RBBP8: variants seen among roughly 807,000 people sequenced by gnomAD.
The protein encoded by RBBP8 is RB binding protein 8, endonuclease.
RBBP8 carries 88 observed loss-of-function variants against 108.3 expected under a neutral mutation model. The ratio of observed to expected loss-of-function variants is 0.81; its 90% confidence interval spans 0.68 to 0.97. The LOEUF is 0.97. Ranked by LOEUF, RBBP8 falls within the 50% of genes least tolerant of loss-of-function variation. The probability of loss-of-function intolerance (pLI) is 0.00; values close to 1 mark genes in which losing one functional copy is unlikely to be tolerated. For synonymous variants in RBBP8, 332 were observed against 348.2 expected (o/e 0.95, Z 0.52); for missense variants, 1,023 against 1,049.0 (o/e 0.98, Z 0.34).
chr18:22,977,166 T>C (rs1914553533), intron 6 of RBBP8, among the ~76,000 whole-genome samples: 1 of 151,910 alleles, frequency 6.6e-6, no homozygotes, highest in Admixed American at 6.6e-5. Context: ...TTCTGTAGCT[T>C]GGTCGCAAAG....
intron 5 of RBBP8, among the ~76,000 whole-genome samples, chr18:22,972,790 T>G (rs1914213786): frequency 6.6e-6 from 1 of 152,170 alleles, no homozygotes. Context: ...AGTTTTGGGG[T>G]TTTTTAGCCC....
chr18:22,917,869 G>A (rs887112222), intron 3 of RBBP8, among the ~76,000 whole-genome samples: 7 of 151,730 alleles, frequency 4.6e-5, no homozygotes, highest in Non-Finnish European at 8.8e-5. Flanking sequence ...GTGGTGGTGC[G>A]TGCCTGTAGT....
At chr18:22,984,574 G>A (rs1915185328) in intron 7 of RBBP8, among the ~76,000 whole-genome samples, 1 of 152,030 alleles carries the variant, frequency 6.6e-6, no homozygotes. Flanking sequence ...AAATTAACCT[G>A]CTGATTTGTA....
At chr18:22,986,298 TAAGTC>T (rs1028580325) in intron 8 of RBBP8, among the ~76,000 whole-genome samples, 21 of 152,306 alleles carry the variant, frequency 1.4e-4, no homozygotes, top group African/African-American at 7.2e-5. Context: ...ACAATGCTAA[TAAGTC>T]AAGTAAGATG....
upstream of RBBP8, among the ~76,000 whole-genome samples, chr18:22,930,107 ACTTTT>A (rs1289216406): frequency 3.3e-5 from 5 of 152,232 alleles, no homozygotes; most frequent in African/African-American, 2.4e-5. Context: ...CCAAAACTTT[ACTTTT>A]AAGAATCCTA....
chr18:22,929,976 C>T (rs1458434680), upstream of RBBP8, among the ~76,000 whole-genome samples: 2 of 152,172 alleles, frequency 1.3e-5, no homozygotes, highest in Non-Finnish European at 2.9e-5. Context: ...TAACGTGATA[C>T]GTCATTTTCC....
chr18:23,022,651 T>TAAAATAAAATAAATAAAATAAA (rs370599195), intron 18 of RBBP8, among the ~76,000 whole-genome samples: 1 of 84,366 alleles, frequency 1.2e-5, no homozygotes, highest in Non-Finnish European at 2.3e-5. Context: ...TAAAATACAA[T>TAAAATAAAATAAATAAAATAAA]ATAAAATAAA....
intron 2 of RBBP8, among the ~76,000 whole-genome samples, chr18:22,945,246 G>C (rs1480091634): frequency 6.6e-6 from 1 of 152,044 alleles, no homozygotes. Context: ...TCCCCTTTAT[G>C]TTAATCACAT....
At chr18:22,945,946 T>C (rs889848073) in intron 2 of RBBP8, among the ~76,000 whole-genome samples, 1 of 152,232 alleles carries the variant, frequency 6.6e-6, no homozygotes, top group East Asian at 1.9e-4. Context: ...TCTTCTCTTA[T>C]GTTTTGTATC....
At chr18:22,954,161 A>G (rs1912296109) in intron 4 of RBBP8, among the ~76,000 whole-genome samples, 1 of 152,128 alleles carries the variant, frequency 6.6e-6, no homozygotes, top group African/African-American at 2.4e-5. Flanking sequence ...TCGCATTTCA[A>G]GACAATCATT....
At chr18:22,940,464 G>T (rs1910987710) in intron 2 of RBBP8, among the ~76,000 whole-genome samples, 1 of 151,358 alleles carries the variant, frequency 6.6e-6, no homozygotes. Context: ...GGGACTACAA[G>T]CACCCGCCAC....
At chr18:22,997,772 CGTT>C (rs756389918) in intron 14 of RBBP8, 38 bp downstream of exon 14, 5 of 1,377,804 alleles carry the variant, frequency 3.6e-6, no homozygotes, top group South Asian at 2.5e-5. Flanking sequence ...TTTTTAATAA[CGTT>C]GTGTGAAGTT....
chr18:22,992,920 A>C lies in RBBP8; in HGVS notation c.1093A>C (p.Ser365Arg). The C allele has an allele frequency of 6.2e-7, 1 of 1,614,008 alleles. No individual in the cohort carries two copies. The highest frequency in any genetic ancestry group is 8.5e-7 in the Non-Finnish European group (1 of 1,179,914). ...AAAACATCTGAAAACACTCCCTTTT[A>C]GCAACACTTGTATATCTAGATTAGA... ...KKKHLKTLPF[S>R]NTCISRLEKT... Residue 365 changes from serine (S) to arginine (R), a missense_variant, in exon 11 of 19, where the codon AGC becomes CGC. Transcript: ENST00000327155.
At chr18:22,971,780 G>A (rs1363164365) in intron 5 of RBBP8, among the ~76,000 whole-genome samples, 1 of 150,824 alleles carries the variant, frequency 6.6e-6, no homozygotes, top group East Asian at 2.0e-4. Context: ...CAAGTAGCTG[G>A]GATTACAGGC....
At chr18:22,969,232 G>C (rs186569178) in intron 5 of RBBP8, among the ~76,000 whole-genome samples, 18 of 149,544 alleles carry the variant, frequency 1.2e-4, no homozygotes, top group Non-Finnish European at 1.5e-5. Context: ...TTTATTTCAT[G>C]TAACCTTAAT....
At chr18:23,014,399 T>C (rs1030477775) in intron 16 of RBBP8, among the ~76,000 whole-genome samples, 4 of 152,196 alleles carry the variant, frequency 2.6e-5, no homozygotes, top group African/African-American at 9.7e-5. Flanking sequence ...CCATTCCAGA[T>C]GACATTGAAA....
At chr18:22,916,548 A>G (rs1185524643) in intron 2 of RBBP8, among the ~76,000 whole-genome samples, 1 of 152,050 alleles carries the variant, frequency 6.6e-6, no homozygotes, top group East Asian at 1.9e-4. Flanking sequence ...AAAAGGTAAA[A>G]TTATGTTGTA....
Position 22,992,140 on chromosome 18 carries a change from T to C in RBBP8, c.921-608T>C, listed in dbSNP as rs55696561. Among the ~76,000 whole-genome samples the C allele has an allele frequency of 4.7e-3, 723 of 152,342 alleles. 6 individuals are homozygous for C. The highest frequency in any genetic ancestry group is 6.8e-3 in the Middle Eastern group (2 of 294). On this transcript the variant is annotated intron_variant, in intron 10 of 18. Coordinates refer to ENST00000327155, the MANE Select transcript of RBBP8 (RefSeq NM_002894.3). ...TCAATTCTGTAGTGTAAGAATTTTG[T>C]TTCTTGGAGTTACTCATGATCAAAT...
At chr18:22,996,508 T>C (rs1358133284) in intron 13 of RBBP8, 46 bp downstream of exon 13, 1 of 1,602,862 alleles carries the variant, frequency 6.2e-7, no homozygotes, top group Non-Finnish European at 8.5e-7. Flanking sequence ...TTTATTCCAA[T>C]GAGTTGTTAG....
Sources: allele counts gnomAD v4.1 joint callset (sites outside exome capture counted in the v4.1 genomes callset), GRCh38; gene constraint gnomAD v4.1.1; transcripts MANE v1.5; gene names NCBI Gene and HGNC (gene_info 2026-07-23, HGNC 2026-07-21).